Variants in TLE4 observed in about 807,000 individuals in gnomAD.
The protein encoded by TLE4 is TLE family member 4, transcriptional corepressor.
Under a neutral mutation model 92.8 loss-of-function variants are expected in TLE4, and 8 were observed. That is an observed-to-expected ratio of 0.09 (90% CI 0.05 to 0.16). The LOEUF is 0.16. Among genes scored for constraint, TLE4 ranks in the 10% least tolerant of loss-of-function variants. The pLI, the probability that TLE4 is intolerant of heterozygous loss-of-function variation, is 1.00. For synonymous variants in TLE4, 371 were observed against 374.1 expected (o/e 0.99, Z 0.10); for missense variants, 675 against 997.6 (o/e 0.68, Z 4.36).
intron 8 of TLE4, among the ~76,000 whole-genome samples, chr9:79,657,780 G>C (rs116418470): frequency 0.011 from 1,693 of 152,240 alleles, 39 homozygotes; most frequent in African/African-American, 0.038. Context: ...CAAAAAATAG[G>C]CACCAAAATC....
chr9:79,590,237 G>T (rs1314850971), intron 4 of TLE4, among the ~76,000 whole-genome samples: 1 of 152,140 alleles, frequency 6.6e-6, no homozygotes, highest in East Asian at 1.9e-4. Context: ...TTGTTTGCTT[G>T]AACATTTTTT....
At chr9:79,682,541 C>G (rs1049127709) in intron 8 of TLE4, among the ~76,000 whole-genome samples, 3 of 152,030 alleles carry the variant, frequency 2.0e-5, no homozygotes, top group Admixed American at 6.6e-5. Context: ...CTGTGAGGGG[C>G]CTGCGTTGTA....
chr9:79,649,906 TTTG>T (rs2058679379), intron 6 of TLE4: 1 of 1,321,694 alleles, frequency 7.6e-7, no homozygotes, highest in Non-Finnish European at 1.0e-6. Context: ...TTGTTGTTTT[TTTG>T]TTTTTTGTTT....
At chr9:79,645,761 C>T (rs1024120721) in intron 6 of TLE4, among the ~76,000 whole-genome samples, 44 of 152,056 alleles carry the variant, frequency 2.9e-4, no homozygotes, top group African/African-American at 7.7e-4. Flanking sequence ...TACTTACTTG[C>T]TTAAGTTTAA....
intron 4 of TLE4, among the ~76,000 whole-genome samples, chr9:79,578,389 G>A (rs373897161): frequency 6.6e-6 from 1 of 152,068 alleles, no homozygotes; most frequent in East Asian, 1.9e-4. Context: ...TGTATTTTTT[G>A]GTTAACGTTC....
intron 6 of TLE4, among the ~76,000 whole-genome samples, chr9:79,632,532 T>G (rs2054578191): frequency 1.3e-5 from 2 of 152,078 alleles, no homozygotes; most frequent in African/African-American, 4.8e-5. Context: ...GGCTTTACAG[T>G]GTAGGTAGGT....
At chr9:79,661,208 C>T (rs2060485534) in intron 8 of TLE4, among the ~76,000 whole-genome samples, 1 of 152,068 alleles carries the variant, frequency 6.6e-6, no homozygotes, top group African/African-American at 2.4e-5. Flanking sequence ...GGAATTATTC[C>T]AAAGAATCGT....
intron 14 of TLE4, among the ~76,000 whole-genome samples, chr9:79,715,923 C>T (rs1193883373): frequency 2.6e-5 from 4 of 152,208 alleles, no homozygotes; most frequent in Non-Finnish European, 1.5e-5. Context: ...TGGCTCCAGT[C>T]AGCCAGAGTG....
At chr9:79,717,966 G>A (rs1270119825) in intron 14 of TLE4, 2 of 456,440 alleles carry the variant, frequency 4.4e-6, no homozygotes, top group Non-Finnish European at 8.8e-6. Flanking sequence ...AGTCTGTTGG[G>A]GGAGACGCTC....
intron 8 of TLE4, among the ~76,000 whole-genome samples, chr9:79,691,959 C>G (rs1236926650): frequency 6.6e-6 from 1 of 152,110 alleles, no homozygotes; most frequent in Non-Finnish European, 1.5e-5. Context: ...CCCATTCGCC[C>G]TCTTAATTGT....
chr9:79,609,384 G>A (rs1253279900), intron 4 of TLE4, among the ~76,000 whole-genome samples: 3 of 151,978 alleles, frequency 2.0e-5, no homozygotes, highest in African/African-American at 7.2e-5. Context: ...CCAAACCAAG[G>A]TTTTCTTTAG....
intron 14 of TLE4, chr9:79,717,978 T>C: frequency 2.2e-6 from 1 of 456,648 alleles, no homozygotes; most frequent in Non-Finnish European, 4.4e-6. Context: ...GAGACGCTCT[T>C]ACTTAAGTTG....
rs1587542134 is a variant in TLE4 at position 79,573,561 on chromosome 9, T to G, written c.46-128T>G. ...CGCGAGGAGGGTTGCGGGAGGAGAGTTTTAATCTCTCTTTGCTTGCGTGCG... is the reference window on the plus strand; with the variant it reads ...CGCGAGGAGGGTTGCGGGAGGAGAGGTTTAATCTCTCTTTGCTTGCGTGCG... On this transcript the variant is annotated intron_variant, in intron 1 of 19. Transcript: ENST00000376552. 9.5e-6 allele frequency: 8 copies of G among 838,750 alleles called. No homozygotes were observed. The South Asian group carries it at 1.2e-4, about 12-fold the overall frequency. The allele number at this position is 838,750 out of a possible 1,614,324, so 52.0% of individuals were successfully genotyped here.
chr9:79,649,898 G>T lies in TLE4; in HGVS notation c.391-2695G>T, dbSNP rs752868884. The T allele has an allele frequency of 8.9e-6, 12 of 1,342,356 alleles. No individual in the cohort carries two copies. The Admixed American group carries it at 2.1e-4, about 24-fold the overall frequency. The allele number at this position is 1,342,356 out of a possible 1,614,324, so 83.2% of individuals were successfully genotyped here. On this transcript the variant is annotated intron_variant, in intron 6 of 19. Transcript: ENST00000376552. ...CTGAGGGCTTTTTGTTGTTGTTGTT[G>T]TTGTTTTTTTGTTTTTTGTTTTTTG... is the stretch of plus-strand genomic sequence containing the variant.
At chr9:79,578,171 C>T (rs2038513571) in intron 4 of TLE4, among the ~76,000 whole-genome samples, 1 of 152,184 alleles carries the variant, frequency 6.6e-6, no homozygotes, top group Non-Finnish European at 1.5e-5. Context: ...CTTAGCCTCT[C>T]TTCCAGATGT....
At chr9:79,648,163 AG>A (rs2058387520) in intron 6 of TLE4, among the ~76,000 whole-genome samples, 1 of 152,174 alleles carries the variant, frequency 6.6e-6, no homozygotes, top group Non-Finnish European at 1.5e-5. Context: ...TTTAAATAAA[AG>A]GGATCTGTTG....
chr9:79,686,268 A>T (rs1429094747), intron 8 of TLE4, among the ~76,000 whole-genome samples: 1 of 152,206 alleles, frequency 6.6e-6, no homozygotes, highest in East Asian at 1.9e-4. Context: ...GAAAGTTTAT[A>T]TATCAGTCAT....
intron 8 of TLE4, among the ~76,000 whole-genome samples, chr9:79,664,040 T>G (rs1412055186): frequency 6.6e-6 from 1 of 152,212 alleles, no homozygotes; most frequent in African/African-American, 2.4e-5. Flanking sequence ...ATCTGTGAAT[T>G]AATCTTTTTT....
In TLE4 at chr9:79,720,377, GGTGTGTGTGTGTGTGTGT is replaced by G. The variant is rs71364488; in HGVS notation, c.1838+115_1838+132del. 7.1e-3 allele frequency: 2,243 copies of G among 316,506 alleles called. 34 individuals are homozygous for G. The highest frequency in any genetic ancestry group is 0.07 in the African/African-American group (1,982 of 28,516). 19.6% of individuals were successfully genotyped at this position (316,506 alleles called of 1,614,324 possible). A position where few individuals can be genotyped will look rare whatever the true frequency, so the allele number is the denominator to read the frequency against. On this transcript the variant is annotated intron_variant, in intron 16 of 19. Transcript: ENST00000376552. ...CCAAAGTGCTGTGTATATAGGTATG[GGTGTGTGTGTGTGTGTGT>G]GTGTGTGTGTGTGTGTGTGTGTGTG...
Sources: gnomAD v4.1 joint callset for allele counts (sites outside exome capture counted in the v4.1 genomes callset) on GRCh38, gnomAD v4.1.1 for gene constraint, MANE v1.5 for transcripts, NCBI Gene and HGNC (gene_info 2026-07-23, HGNC 2026-07-21) for gene names.